Variants in ATP8B4 observed in about 807,000 individuals in gnomAD.
The protein encoded by ATP8B4 is ATPase phospholipid transporting 8B4 (putative).
In ATP8B4, 133 loss-of-function variants were observed where a neutral mutation model predicts 145.6. That is an observed-to-expected ratio of 0.91 (90% CI 0.79 to 1.05). The LOEUF is 1.05. Ranked by LOEUF, ATP8B4 falls within the 50% of genes least tolerant of loss-of-function variation. The probability of loss-of-function intolerance (pLI) is 0.00; values close to 1 mark genes in which losing one functional copy is unlikely to be tolerated. For synonymous variants in ATP8B4, 507 were observed against 492.9 expected (o/e 1.03, Z -0.38); for missense variants, 1,458 against 1,425.2 (o/e 1.02, Z -0.37).
intron 18 of ATP8B4, among the ~76,000 whole-genome samples, chr15:49,919,707 G>A (rs532789107): frequency 2.0e-5 from 3 of 152,216 alleles, no homozygotes; most frequent in East Asian, 1.9e-4. Flanking sequence ...GTGAGCCACC[G>A]CGCCCGGCCA....
chr15:50,166,324 C>T (rs976520081), intron 1 of ATP8B4, among the ~76,000 whole-genome samples: 9 of 152,146 alleles, frequency 5.9e-5, no homozygotes, highest in African/African-American at 2.2e-4. Context: ...TTTGAATCTC[C>T]ATAAATTCTT....
chr15:50,102,609 G>C (rs190710656), intron 2 of ATP8B4, among the ~76,000 whole-genome samples: 2 of 151,904 alleles, frequency 1.3e-5, no homozygotes, highest in African/African-American at 4.8e-5. Context: ...TTTAAAAGTT[G>C]CCAACAACAA....
intron 2 of ATP8B4, among the ~76,000 whole-genome samples, chr15:50,105,696 C>T (rs962479160): frequency 2.0e-5 from 3 of 152,004 alleles, no homozygotes; most frequent in African/African-American, 4.8e-5. Flanking sequence ...ATGATTACAG[C>T]GACTTATGCT....
chr15:49,948,317 C>T (rs2042760001), intron 14 of ATP8B4, among the ~76,000 whole-genome samples: 1 of 149,032 alleles, frequency 6.7e-6, no homozygotes, highest in South Asian at 2.1e-4. Context: ...GGCATGGTGG[C>T]ACTCGCCTGT....
chr15:50,054,234 T>C (rs138885168), intron 3 of ATP8B4, among the ~76,000 whole-genome samples: 1 of 152,270 alleles, frequency 6.6e-6, no homozygotes, highest in East Asian at 1.9e-4. Context: ...CCTCATCAGA[T>C]ACTCATAACG....
At chr15:50,172,173 C>T (rs1276334250) in intron 1 of ATP8B4, among the ~76,000 whole-genome samples, 2 of 152,256 alleles carry the variant, frequency 1.3e-5, no homozygotes, top group Non-Finnish European at 2.9e-5. Context: ...CCTCTTTGCA[C>T]AGTCTCCCTC....
intron 14 of ATP8B4, among the ~76,000 whole-genome samples, chr15:49,939,700 T>C (rs74945345): frequency 0.013 from 1,906 of 152,246 alleles, 43 homozygotes; most frequent in African/African-American, 0.044. Flanking sequence ...ACCAATTCTA[T>C]TGAAACTACT....
chr15:49,904,312 C>A (rs1050972779), intron 20 of ATP8B4, among the ~76,000 whole-genome samples: 1 of 152,144 alleles, frequency 6.6e-6, no homozygotes, highest in Non-Finnish European at 1.5e-5. Context: ...TTCCTTACTA[C>A]CCTACCTGAG....
chr15:49,979,622 A>G lies in ATP8B4; in HGVS notation c.1029T>C (p.Tyr343=), dbSNP rs1420313427. The change falls in exon 12 of 28, where the codon TAT becomes TAC. Residue 343 remains tyrosine, a synonymous_variant. Coordinates refer to ENST00000284509, the MANE Select transcript of ATP8B4 (RefSeq NM_024837.4). ...ILNTVVPISL[Y]VSVEVIRLGH... is the part of the protein sequence containing the mutation. ...AATATAAACTCTCATCTTACCTCACATATAAGGAAATGGGTACAACTGTAT... is the reference window on the plus strand; with the variant it reads ...AATATAAACTCTCATCTTACCTCACGTATAAGGAAATGGGTACAACTGTAT... The G allele has an allele frequency of 1.4e-6, 2 of 1,478,712 alleles. No individual in the cohort carries two copies. Among genetic ancestry groups the G allele is most frequent in the East Asian group, 4.6e-5 (2 of 43,504 alleles). 91.6% of individuals were successfully genotyped at this position (1,478,712 alleles called of 1,614,324 possible). A position where few individuals can be genotyped will look rare whatever the true frequency, so the allele number is the denominator to read the frequency against.
intron 23 of ATP8B4, among the ~76,000 whole-genome samples, chr15:49,888,319 T>A (rs2036434578): frequency 6.6e-6 from 1 of 152,174 alleles, no homozygotes; most frequent in Non-Finnish European, 1.5e-5. Context: ...TTAGTCGCAG[T>A]CTTTCACGTC....
At chr15:50,025,165 T>C (rs1036446212) in intron 6 of ATP8B4, among the ~76,000 whole-genome samples, 2 of 152,174 alleles carry the variant, frequency 1.3e-5, no homozygotes, top group African/African-American at 2.4e-5. Context: ...ACAGCAGTAA[T>C]AGGAACAGAC....
At position 50,029,061 on chromosome 15, in the gene ATP8B4, C is replaced by T. The variant is rs764562293; in HGVS notation, c.362+9707G>A. 2.6e-5 allele frequency among the ~76,000 whole-genome samples: 4 copies of T among 151,742 alleles called. 1 individual carries two copies. ...TATCCTGGCCAACATGGTAAAACCC[C>T]GTATCTACTAAAATACAAAAAATTA... On this transcript the variant is annotated intron_variant, in intron 6 of 27. Coordinates refer to ENST00000284509, the MANE Select transcript of ATP8B4 (RefSeq NM_024837.4).
chr15:49,979,325 A>C (rs1278713590), intron 12 of ATP8B4, among the ~76,000 whole-genome samples: 2 of 152,154 alleles, frequency 1.3e-5, no homozygotes, highest in Non-Finnish European at 2.9e-5. Context: ...AATTAACCCA[A>C]TTCTAATTGA....
intron 1 of ATP8B4, among the ~76,000 whole-genome samples, chr15:50,181,227 G>A (rs2044842700): frequency 6.6e-6 from 1 of 152,182 alleles, no homozygotes; most frequent in African/African-American, 2.4e-5. Flanking sequence ...AGGAACACAG[G>A]AGGACAGTAG....
intron 13 of ATP8B4, among the ~76,000 whole-genome samples, chr15:49,963,706 G>T (rs745853223): frequency 3.9e-5 from 6 of 152,134 alleles, no homozygotes; most frequent in African/African-American, 7.2e-5. Context: ...GGAGCTGAAT[G>T]ATGAGAACAC....
chr15:50,107,931 A>G (rs939156972), intron 1 of ATP8B4, among the ~76,000 whole-genome samples: 2 of 152,012 alleles, frequency 1.3e-5, no homozygotes, highest in African/African-American at 4.8e-5. Context: ...AAGTCTAAAA[A>G]GCCTGAGACC....
intron 1 of ATP8B4, among the ~76,000 whole-genome samples, chr15:50,181,178 A>G (rs11854881): frequency 0.092 from 13,992 of 152,238 alleles, 816 homozygotes; most frequent in Middle Eastern, 0.15. Flanking sequence ...TCTGGGAGGA[A>G]TAAGCATTAT....
intron 13 of ATP8B4, among the ~76,000 whole-genome samples, chr15:49,967,188 T>C (rs2044632795): frequency 6.6e-6 from 1 of 151,822 alleles, no homozygotes; most frequent in African/African-American, 2.4e-5. Flanking sequence ...AAGCTGAAAA[T>C]GCCAAAAACC....
At chr15:50,068,895 G>A (rs542924187) in intron 3 of ATP8B4, among the ~76,000 whole-genome samples, 6 of 152,112 alleles carry the variant, frequency 3.9e-5, no homozygotes, top group Non-Finnish European at 7.4e-5. Context: ...CACTTTTTCT[G>A]ATCTTTTAAC....
Sources: allele counts gnomAD v4.1 joint callset (sites outside exome capture counted in the v4.1 genomes callset), GRCh38; gene constraint gnomAD v4.1.1; transcripts MANE v1.5; gene names NCBI Gene and HGNC (gene_info 2026-07-23, HGNC 2026-07-21).